Variants in VTCN1 observed in about 807,000 individuals in gnomAD.
The protein encoded by VTCN1 is V-set domain-containing T-cell activation inhibitor 1.
In VTCN1, 26 loss-of-function variants were observed where a neutral mutation model predicts 26.5. The ratio of observed to expected loss-of-function variants is 0.98; its 90% CI spans 0.72 to 1.36. VTCN1 has a LOEUF of 1.36. VTCN1 is among the 40% of genes most tolerant of loss of function. The pLI is 0.00. For missense variants in VTCN1, 298 were observed against 337.7 expected, an observed-to-expected ratio of 0.88 and a Z score of 0.92; for synonymous variants, 116 against 130.7, an observed-to-expected ratio of 0.89 and a Z score of 0.77.
intron 1 of VTCN1, among the ~76,000 whole-genome samples, chr1:117,193,415 G>T (rs114735230): frequency 6.6e-6 from 1 of 152,072 alleles, no homozygotes; most frequent in South Asian, 2.1e-4. Context: ...GATATTCCAC[G>T]CAAATGGTAA....
Position 117,173,389 on chromosome 1 carries a change from C to CAT in VTCN1, c.33-3219_33-3218insAT, listed in dbSNP as rs3220602. 7.1e-5 allele frequency: 34 copies of CAT among 476,154 alleles called. No individual in the cohort carries two copies. The Middle Eastern group carries it at 1.0e-3, about 14-fold the overall frequency. 29.5% of individuals were successfully genotyped at this position (476,154 alleles called of 1,614,324 possible). ...GAACACACACACACACACACACACA[C>CAT]AACACCATGTAAAGATGAAAGCAGA... On this transcript the variant is annotated intron_variant, in intron 1 of 5. Transcript: ENST00000369458.
At chr1:117,206,834 C>T (rs1388548736) in intron 1 of VTCN1, among the ~76,000 whole-genome samples, 4 of 152,138 alleles carry the variant, frequency 2.6e-5, no homozygotes, top group Non-Finnish European at 4.4e-5. Context: ...AAATCATCTA[C>T]CCTCAATAGG....
chr1:117,169,837 G>A lies in VTCN1; in HGVS notation c.97+270C>T, dbSNP rs897753180. Reference sequence around the variant, plus strand: ...TTGAACCCAGGAGGTGGAGGTTGCAGTAAGCTGAGATCATGCCACTGCACT... The same window carrying A: ...TTGAACCCAGGAGGTGGAGGTTGCAATAAGCTGAGATCATGCCACTGCACT... On this transcript the variant is annotated intron_variant, in intron 2 of 5. Transcript: ENST00000369458. This position sits in a 1 kb window ranked among gnomAD's most constrained non-coding sequence, Gnocchi z 4.0. 3.3e-5 allele frequency among the ~76,000 whole-genome samples: 5 copies of A among 152,176 alleles called. No individual in the cohort carries two copies. The highest frequency in any genetic ancestry group is 5.9e-5 in the Non-Finnish European group (4 of 68,034).
intron 1 of VTCN1, among the ~76,000 whole-genome samples, chr1:117,185,138 T>G (rs539512773): frequency 6.6e-6 from 1 of 152,302 alleles, no homozygotes; most frequent in East Asian, 1.9e-4. Flanking sequence ...TAGGCATATC[T>G]TACCCAAACC....
chr1:117,190,544 A>C lies in VTCN1; in HGVS notation c.32+20280T>G, dbSNP rs568913042. On this transcript the variant is annotated intron_variant, in intron 1 of 5. Coordinates refer to ENST00000369458, the MANE Select transcript of VTCN1 (RefSeq NM_024626.4). ...ACCTGATAACAAGCCCACTGTCCACAGACCCAACTGCAGATCCTGAGGCAG... is the reference window on the plus strand; with the variant it reads ...ACCTGATAACAAGCCCACTGTCCACCGACCCAACTGCAGATCCTGAGGCAG... Among the ~76,000 whole-genome samples, 8 of 152,312 alleles carry C rather than the reference A, an allele frequency of 5.3e-5. No homozygotes were observed. In the South Asian group the frequency reaches 1.7e-3, roughly 32 times the overall value.
intron 1 of VTCN1, among the ~76,000 whole-genome samples, chr1:117,190,777 T>C (rs966832476): frequency 1.3e-5 from 2 of 152,230 alleles, no homozygotes; most frequent in Non-Finnish European, 2.9e-5. Flanking sequence ...CAAATGTCCT[T>C]ACCTGCCAAA....
Position 117,156,636 on chromosome 1 carries a change from T to C in VTCN1, c.383A>G (p.Tyr128Cys). 1 of 1,613,880 alleles carries C rather than the reference T, an allele frequency of 6.2e-7. No homozygotes were observed. The highest frequency in any genetic ancestry group is 8.5e-7 in the Non-Finnish European group (1 of 1,179,924). ...TTTAGAAGTGATGATATAACATTTG[T>C]AGGTGCCAGCATCTGTGAGTTGCAC... is the stretch of plus-strand genomic sequence containing the variant. ...KNVQLTDAGT[Y>C]KCYIITSKGK... Residue 128 changes from tyrosine to cysteine, a missense_variant, in exon 3 of 6, where the codon TAC (tyrosine) becomes TGC (cysteine). Coordinates refer to ENST00000369458, the MANE Select transcript of VTCN1 (RefSeq NM_024626.4).
At chr1:117,172,578 ATTT>A (rs146860222) in intron 1 of VTCN1, among the ~76,000 whole-genome samples, 11,872 of 152,132 alleles carry the variant, frequency 0.078, 1,535 homozygotes, top group African/African-American at 0.27. Flanking sequence ...TCTGAGGCTT[ATTT>A]TTTTGTAAAA....
At chr1:117,187,204 G>A (rs965532089) in intron 1 of VTCN1, among the ~76,000 whole-genome samples, 1 of 151,134 alleles carries the variant, frequency 6.6e-6, no homozygotes, top group African/African-American at 2.4e-5. Context: ...CCAGCTACTC[G>A]GGAGGCTGAG....
rs1363859000 is a variant in VTCN1 at position 117,144,551 on chromosome 1, G to GTTTGTTTAA, written c.*719_*720insTTAAACAAA. On this transcript the variant is annotated 3_prime_UTR_variant, in exon 6 of 6. Coordinates refer to ENST00000369458, the MANE Select transcript of VTCN1 (RefSeq NM_024626.4). ...GACCATTCACGGATGAACATCATCT[G>GTTTGTTTAA]AGAAATAAACCCGCATTTGTTTGTT... The GTTTGTTTAA allele has an allele frequency of 1.3e-5, 2 of 152,198 alleles. No individual in the cohort carries two copies. Among genetic ancestry groups the GTTTGTTTAA allele is most frequent in the Admixed American group, 6.5e-5 (1 of 15,286 alleles). 9.4% of individuals were successfully genotyped at this position (152,198 alleles called of 1,614,324 possible).
At chr1:117,207,819 C>G (rs2101613120) in intron 1 of VTCN1, among the ~76,000 whole-genome samples, 1 of 152,324 alleles carries the variant, frequency 6.6e-6, no homozygotes, top group Admixed American at 6.5e-5. Flanking sequence ...CCCCTCCAAT[C>G]ATTGATCAAA....
At chr1:117,148,460 A>G (rs1281042072) in intron 4 of VTCN1, among the ~76,000 whole-genome samples, 1 of 152,192 alleles carries the variant, frequency 6.6e-6, no homozygotes, top group Non-Finnish European at 1.5e-5. Context: ...GGCCTATAAT[A>G]AGCACTCCAT....
At chr1:117,176,925 C>T (rs1647380759) in intron 1 of VTCN1, among the ~76,000 whole-genome samples, 1 of 152,088 alleles carries the variant, frequency 6.6e-6, no homozygotes, top group African/African-American at 2.4e-5. Context: ...ATGGTGAAAG[C>T]CCGTCTCTAC....
intron 1 of VTCN1, among the ~76,000 whole-genome samples, chr1:117,198,943 CA>C (rs969505151): frequency 6.6e-5 from 10 of 152,082 alleles, no homozygotes; most frequent in African/African-American, 2.4e-4. Context: ...CTTTGGATAT[CA>C]AATATGGGAG....
chr1:117,173,621 A>G (rs1431619666), intron 1 of VTCN1, among the ~76,000 whole-genome samples: 1 of 152,250 alleles, frequency 6.6e-6, no homozygotes, highest in Non-Finnish European at 1.5e-5. Context: ...AGCACTAGCA[A>G]ACTAATACAA....
At chr1:117,203,259 TG>T (rs1399143542) in intron 1 of VTCN1, among the ~76,000 whole-genome samples, 3 of 151,172 alleles carry the variant, frequency 2.0e-5, no homozygotes, top group Non-Finnish European at 4.4e-5. Flanking sequence ...GGAGAAGGGA[TG>T]GGGGTTGTAA....
In VTCN1 at chr1:117,174,638, G is replaced by A. The variant is rs141441685; in HGVS notation, c.33-4467C>T. On this transcript the variant is annotated intron_variant, in intron 1 of 5. Transcript: ENST00000369458. ...AAAAATTAGCTGGGCGTGGTGGCAA[G>A]TGCCTGTAATCCCAGCTACTCGGGA... Among the ~76,000 whole-genome samples the A allele has an allele frequency of 6.0e-3, 916 of 152,252 alleles. 10 individuals are homozygous for A. The highest frequency in any genetic ancestry group is 0.02 in the African/African-American group (828 of 41,554).
intron 1 of VTCN1, 188 bp from the exon 2 acceptor site, chr1:117,170,359 C>A: frequency 1.4e-6 from 1 of 699,022 alleles, no homozygotes; most frequent in Middle Eastern, 2.4e-4. Flanking sequence ...CATCCCCATC[C>A]CCCTGGGGCT....
At chr1:117,180,749 A>G (rs1473182926) in intron 1 of VTCN1, among the ~76,000 whole-genome samples, 1 of 146,642 alleles carries the variant, frequency 6.8e-6, no homozygotes, top group Non-Finnish European at 1.5e-5. Context: ...CCATTCACCA[A>G]CTCCTCCCCA....
Sources: gnomAD v4.1 joint callset for allele counts (sites outside exome capture counted in the v4.1 genomes callset) on GRCh38, gnomAD v4.1.1 for gene constraint, Gnocchi (gnomAD v3.1) non-coding constraint, MANE v1.5 for transcripts, NCBI Gene and HGNC (gene_info 2026-07-23, HGNC 2026-07-21) for gene names.